PAH: variants seen among roughly 807,000 people sequenced by gnomAD.
PAH encodes phenylalanine-4-hydroxylase.
Under a neutral mutation model 62.0 loss-of-function variants are expected in PAH, and 64 were observed. That is an observed-to-expected ratio of 1.03 (90% confidence interval 0.84 to 1.27). The LOEUF is 1.27. PAH is among the 50% of genes most tolerant of loss of function. The probability of loss-of-function intolerance (pLI) is 0.00; values close to 1 mark genes in which losing one functional copy is unlikely to be tolerated. For missense variants in PAH, 579 were observed against 542.8 expected, an observed-to-expected ratio of 1.07 and a Z score of -0.66; for synonymous variants, 195 against 196.2, an observed-to-expected ratio of 0.99 and a Z score of 0.05.
At chr12:102,854,897 C>T in intron 6 of PAH, 1 of 584,432 alleles carries the variant, frequency 1.7e-6, no homozygotes. Context: ...GGGACAGGTA[C>T]ACGGCAAAAT....
intron 3 of PAH, 58 bp downstream of exon 3, chr12:102,894,677 G>T: frequency 7.9e-7 from 1 of 1,267,904 alleles, no homozygotes; most frequent in East Asian, 2.3e-5. Context: ...GTATATTGCT[G>T]TTATTTTATG....
chr12:102,896,272 C>A (rs1431814840), intron 2 of PAH, among the ~76,000 whole-genome samples: 1 of 152,076 alleles, frequency 6.6e-6, no homozygotes, highest in Non-Finnish European at 1.5e-5. Context: ...GCATGCCTGG[C>A]CTGTTGAAGA....
intron 1 of PAH, among the ~76,000 whole-genome samples, chr12:102,930,233 TACC>T (rs1478975884): frequency 6.6e-6 from 1 of 152,174 alleles, no homozygotes; most frequent in Non-Finnish European, 1.5e-5. Context: ...AGTATGTGTT[TACC>T]ACCTACTCAG....
At chr12:102,904,836 CT>C in intron 2 of PAH, 1 of 387,212 alleles carries the variant, frequency 2.6e-6, no homozygotes, top group Non-Finnish European at 5.2e-6. Context: ...CACAGTCCCC[CT>C]GCTCTACCAA....
Position 102,837,650 on chromosome 12 carries a change from A to G in PAH, c.*1525T>C, listed in dbSNP as rs1200973888. On this transcript the variant is annotated 3_prime_UTR_variant, in exon 13 of 13. Coordinates refer to ENST00000553106, the MANE Select transcript of PAH (RefSeq NM_000277.3). Reference sequence around the variant, plus strand: ...CCATCAGTGGATCAGGCATAGCTATATAAAGACACATATGAACACTTGAAT... The same window carrying G: ...CCATCAGTGGATCAGGCATAGCTATGTAAAGACACATATGAACACTTGAAT... The G allele has an allele frequency of 6.6e-6, 1 of 152,244 alleles. No individual in the cohort carries two copies. The highest frequency in any genetic ancestry group is 2.4e-5 in the African/African-American group (1 of 41,470). 9.4% of individuals were successfully genotyped at this position (152,244 alleles called of 1,614,324 possible).
intron 1 of PAH, chr12:102,914,631 C>A (rs1460624925): frequency 1.3e-5 from 2 of 152,202 alleles, no homozygotes; most frequent in South Asian, 2.1e-4. Flanking sequence ...GAATACTGAG[C>A]CTTCTTCTTT....
intron 1 of PAH, among the ~76,000 whole-genome samples, chr12:102,935,225 C>CT (rs1879057625): frequency 6.6e-6 from 1 of 152,076 alleles, no homozygotes; most frequent in East Asian, 1.9e-4. Flanking sequence ...TTGAACCATC[C>CT]TTGTATCCTG....
intron 3 of PAH, among the ~76,000 whole-genome samples, chr12:102,887,060 G>A (rs941989972): frequency 6.6e-6 from 1 of 152,030 alleles, no homozygotes; most frequent in Admixed American, 6.6e-5. Flanking sequence ...AGGAAAGAGA[G>A]AATTCCTGGG....
intron 1 of PAH, among the ~76,000 whole-genome samples, chr12:102,941,346 T>A (rs183923154): frequency 1.3e-5 from 2 of 152,106 alleles, no homozygotes; most frequent in African/African-American, 4.8e-5. Context: ...ATCCCTCCAA[T>A]TAAAAGACAC....
intron 2 of PAH, among the ~76,000 whole-genome samples, chr12:102,908,679 T>A (rs1004206574): frequency 6.6e-6 from 1 of 152,134 alleles, no homozygotes; most frequent in Non-Finnish European, 1.5e-5. Flanking sequence ...ACATCTTACA[T>A]TAATGTGGAA....
chr12:102,899,858 CAAAAAAAAAAAAAAAA>C (rs1166069532), intron 2 of PAH, among the ~76,000 whole-genome samples: 8 of 9,532 alleles, frequency 8.4e-4, no homozygotes, highest in African/African-American at 2.7e-3. Context: ...GACTCCGTCT[CAAAAAAAAAAAAAAAA>C]AAAAAAAAAA....
At chr12:102,845,619 G>T (rs900779041) in intron 9 of PAH, among the ~76,000 whole-genome samples, 1 of 152,170 alleles carries the variant, frequency 6.6e-6, no homozygotes, top group East Asian at 1.9e-4. Context: ...TCAGTTAGCT[G>T]CTGGAGACAG....
At chr12:102,944,793 G>A (rs1879429433) in intron 1 of PAH, among the ~76,000 whole-genome samples, 1 of 152,166 alleles carries the variant, frequency 6.6e-6, no homozygotes, top group Non-Finnish European at 1.5e-5. Flanking sequence ...TGTTTTTCTA[G>A]ATGATCTTGA....
At chr12:102,883,551 G>T (rs1406714879) in intron 3 of PAH, among the ~76,000 whole-genome samples, 1 of 152,190 alleles carries the variant, frequency 6.6e-6, no homozygotes, top group Non-Finnish European at 1.5e-5. Context: ...AAGAACTTGA[G>T]AAAGTTGCCA....
chr12:102,936,636 T>A (rs955359201), intron 1 of PAH, among the ~76,000 whole-genome samples: 1 of 152,220 alleles, frequency 6.6e-6, no homozygotes, highest in Non-Finnish European at 1.5e-5. Flanking sequence ...TATATAATGA[T>A]CTTCTTTGTC....
At chr12:102,916,973 C>G (rs1878406499) in intron 1 of PAH, 98 bp downstream of exon 1, 1 of 1,084,744 alleles carries the variant, frequency 9.2e-7, no homozygotes, top group South Asian at 1.2e-5. Context: ...AGACTTCTTA[C>G]TGAGCTTATG....
intron 4 of PAH, among the ~76,000 whole-genome samples, chr12:102,867,304 A>G (rs1219175175): frequency 1.3e-5 from 2 of 152,130 alleles, no homozygotes; most frequent in Non-Finnish European, 2.9e-5. Flanking sequence ...AGCCTTTACA[A>G]TCTGGCAGGG....
chr12:102,897,465 G>GTATATATA lies in PAH; in HGVS notation c.169-2555_169-2548dup, dbSNP rs376902236. On this transcript the variant is annotated intron_variant, in intron 2 of 12. Coordinates refer to ENST00000553106, the MANE Select transcript of PAH (RefSeq NM_000277.3). Reference sequence around the variant, plus strand: ...CTCTCATATATATGTGTGTGTGTGTGTATATATATATATATATATATATAT... The same window carrying GTATATATA: ...CTCTCATATATATGTGTGTGTGTGTGTATATATATATATATATATATATATATATATAT... Among the ~76,000 whole-genome samples, 363 of 93,950 alleles carry GTATATATA rather than the reference G, an allele frequency of 3.9e-3. 1 individual carries two copies. Among genetic ancestry groups the GTATATATA allele is most frequent in the South Asian group, 0.018 (57 of 3,232 alleles). The allele number at this position is 93,950 out of a possible 152,430, so 61.6% of individuals were successfully genotyped here.
intron 2 of PAH, among the ~76,000 whole-genome samples, chr12:102,902,061 TG>T (rs1877781793): frequency 6.6e-6 from 1 of 152,158 alleles, no homozygotes; most frequent in East Asian, 1.9e-4. Context: ...CCATTGTGCA[TG>T]GGGGTGCTAT....
Sources: gnomAD v4.1 joint callset for allele counts (sites outside exome capture counted in the v4.1 genomes callset) on GRCh38, gnomAD v4.1.1 for gene constraint, MANE v1.5 for transcripts, NCBI Gene and HGNC (gene_info 2026-07-23, HGNC 2026-07-21) for gene names.